Variants in TMEM132C observed in about 807,000 individuals in gnomAD.
The protein encoded by TMEM132C is transmembrane protein 132C.
Under a neutral mutation model 61.4 loss-of-function variants are expected in TMEM132C, and 29 were observed. The observed-to-expected ratio is 0.47, with a 90% CI of 0.35 to 0.64. The LOEUF (loss-of-function observed/expected upper bound fraction) is 0.64, where lower values mean the gene tolerates loss of function less well. TMEM132C is among the 30% of genes least tolerant of loss of function. The pLI is 0.00. For missense variants in TMEM132C, 1,408 were observed against 1,476.9 expected (o/e 0.95, Z 0.76); for synonymous variants, 656 against 633.1 (o/e 1.04, Z -0.54).
Position 128,570,221 on chromosome 12 carries a change from C to T in TMEM132C, c.1121+26118C>T, listed in dbSNP as rs1593103329. Among the ~76,000 whole-genome samples the T allele has an allele frequency of 1.3e-5, 2 of 152,128 alleles. No individual in the cohort carries two copies. The highest frequency in any genetic ancestry group is 2.1e-4 in the South Asian group (1 of 4,816). ...CTACACCTCCCCACCCCCGCACCCC[C>T]CACACACTCACACTGTGGTCACATT... On this transcript the variant is annotated intron_variant, in intron 3 of 8. Transcript: ENST00000435159. This position sits in a 1 kb window ranked among gnomAD's most constrained non-coding sequence, Gnocchi z 4.7.
rs1873851792 is a variant in TMEM132C, at chr12:128,543,941, A to G, written c.975-16A>G. 5 of 1,542,206 alleles carry G rather than the reference A, an allele frequency of 3.2e-6. No homozygotes were observed. The highest frequency in any genetic ancestry group is 2.5e-5 in the East Asian group (1 of 40,054). On this transcript the variant is annotated splice_polypyrimidine_tract_variant and intron_variant, in intron 2 of 8. Coordinates refer to ENST00000435159, the MANE Select transcript of TMEM132C (RefSeq NM_001136103.3). ...TTAACCCTGTCTCTCTCTCTCTCCC[A>G]TCTTCATCCCCACAGAGCCAAGGTG... is the stretch of plus-strand genomic sequence containing the variant.
chr12:128,703,172 G>A (rs1842846155), intron 8 of TMEM132C, among the ~76,000 whole-genome samples: 1 of 152,064 alleles, frequency 6.6e-6, no homozygotes, highest in African/African-American at 2.4e-5. Flanking sequence ...TCACTTCAGG[G>A]GTACCTGTGC....
intron 4 of TMEM132C, among the ~76,000 whole-genome samples, chr12:128,654,684 A>G (rs1341718228): frequency 1.3e-5 from 2 of 152,118 alleles, no homozygotes; most frequent in Non-Finnish European, 2.9e-5. Context: ...CGCCACACGC[A>G]CCCTGCTGTA....
chr12:128,701,936 G>C (rs908594612), intron 8 of TMEM132C, among the ~76,000 whole-genome samples: 3 of 133,306 alleles, frequency 2.3e-5, no homozygotes, highest in African/African-American at 8.9e-5. Flanking sequence ...GTCTTGCTCT[G>C]TCACCCCAGC....
chr12:128,267,407 G>A lies in TMEM132C; in HGVS notation c.5G>A (p.Arg2His). Residue 2 changes from arginine to histidine, a missense_variant, in exon 1 of 9, where the codon CGC becomes CAC. Arg to His is a conservative substitution (Grantham distance 29). Coordinates refer to ENST00000435159, the MANE Select transcript of TMEM132C (RefSeq NM_001136103.3). Reference sequence around the variant, plus strand: ...CGTGAGCGGCCGGGACGCAGGATGCGCTCCGAGGGTGCGGCCCCCGGGCCG... The same window carrying A: ...CGTGAGCGGCCGGGACGCAGGATGCACTCCGAGGGTGCGGCCCCCGGGCCG... M[R>H]SEGAAPGPAA... 8.3e-7 allele frequency: 1 copy of A among 1,202,498 alleles called. No individual in the cohort carries two copies. Among genetic ancestry groups the A allele is most frequent in the Non-Finnish European group, 1.0e-6 (1 of 970,572 alleles). 74.5% of individuals were successfully genotyped at this position (1,202,498 alleles called of 1,614,324 possible).
At position 128,596,371 on chromosome 12, in the gene TMEM132C, T is replaced by C. The variant is rs143533519; in HGVS notation, c.1122-19781T>C. 3.0e-3 allele frequency among the ~76,000 whole-genome samples: 448 copies of C among 148,666 alleles called. 6 individuals are homozygous for C. Among genetic ancestry groups the C allele is most frequent in the African/African-American group, 0.011 (422 of 39,724 alleles). Reference sequence around the variant, plus strand: ...GGGCTGCCCCTTTCGCAGGTCCTGGTACAGAGTGGGCAGGGCTTGACTGAT... The same window carrying C: ...GGGCTGCCCCTTTCGCAGGTCCTGGCACAGAGTGGGCAGGGCTTGACTGAT... On this transcript the variant is annotated intron_variant, in intron 3 of 8. Coordinates refer to ENST00000435159, the MANE Select transcript of TMEM132C (RefSeq NM_001136103.3).
intron 2 of TMEM132C, among the ~76,000 whole-genome samples, chr12:128,459,503 G>A (rs1239642393): frequency 6.6e-6 from 1 of 152,128 alleles, no homozygotes; most frequent in Non-Finnish European, 1.5e-5. Context: ...AGAAGATAGA[G>A]CATGACTCGG....
At chr12:128,311,871 G>A (rs974287775) in intron 1 of TMEM132C, among the ~76,000 whole-genome samples, 6 of 152,342 alleles carry the variant, frequency 3.9e-5, no homozygotes, top group Non-Finnish European at 4.4e-5. Flanking sequence ...TTTCCAGGCC[G>A]CCGTTGACGG....
intron 2 of TMEM132C, among the ~76,000 whole-genome samples, chr12:128,473,152 A>C (rs112483540): frequency 2.4e-4 from 7 of 29,638 alleles, no homozygotes; most frequent in South Asian, 1.0e-3. Flanking sequence ...TCCAGCCACT[A>C]TCTTCATCTT....
intron 3 of TMEM132C, among the ~76,000 whole-genome samples, chr12:128,560,430 G>C (rs570459465): frequency 1.3e-5 from 2 of 152,266 alleles, no homozygotes; most frequent in South Asian, 4.2e-4. Context: ...ACCTGACCCT[G>C]ATGAGCTAAG....
chr12:128,386,941 CA>C (rs997794955), intron 1 of TMEM132C, among the ~76,000 whole-genome samples: 1 of 151,860 alleles, frequency 6.6e-6, no homozygotes, highest in Non-Finnish European at 1.5e-5. Flanking sequence ...CCAACCCGGG[CA>C]ACGTAGTGAG....
chr12:128,331,819 T>C (rs1872671777), intron 1 of TMEM132C, among the ~76,000 whole-genome samples: 2 of 152,240 alleles, frequency 1.3e-5, no homozygotes, highest in South Asian at 4.1e-4. Context: ...ATGGTAGTTC[T>C]ATTTTTAGTT....
At chr12:128,703,855 G>A (rs542379068) in intron 8 of TMEM132C, among the ~76,000 whole-genome samples, 1 of 152,324 alleles carries the variant, frequency 6.6e-6, no homozygotes, top group East Asian at 1.9e-4. Flanking sequence ...CACAGCGAGT[G>A]CCCAGTGGAT....
chr12:128,452,995 T>C (rs867097495), intron 2 of TMEM132C, among the ~76,000 whole-genome samples: 42 of 152,318 alleles, frequency 2.8e-4, no homozygotes, highest in African/African-American at 8.2e-4. Context: ...TGGTAGTATA[T>C]GGATATAGAA....
At chr12:128,409,633 A>G (rs1432122414) in intron 1 of TMEM132C, among the ~76,000 whole-genome samples, 2 of 152,126 alleles carry the variant, frequency 1.3e-5, no homozygotes, top group African/African-American at 2.4e-5. Context: ...AGCAAAACCT[A>G]CCTGCAGGCT....
chr12:128,654,369 G>A (rs1954302776), intron 4 of TMEM132C, among the ~76,000 whole-genome samples: 1 of 152,116 alleles, frequency 6.6e-6, no homozygotes, highest in African/African-American at 2.4e-5. Flanking sequence ...GAAGGATCCT[G>A]CCCTGCAGCC....
intron 1 of TMEM132C, among the ~76,000 whole-genome samples, chr12:128,271,035 C>T (rs1433847217): frequency 6.6e-6 from 1 of 151,986 alleles, no homozygotes; most frequent in East Asian, 1.9e-4. Flanking sequence ...CAGTGGATCA[C>T]TTGAGGGCAG....
At chr12:128,302,512 C>G (rs1261971433) in intron 1 of TMEM132C, among the ~76,000 whole-genome samples, 1 of 152,174 alleles carries the variant, frequency 6.6e-6, no homozygotes, top group Non-Finnish European at 1.5e-5. Flanking sequence ...AGGGCACTAG[C>G]TTTGTCCAGA....
At chr12:128,380,021 C>G (rs1874349923) in intron 1 of TMEM132C, among the ~76,000 whole-genome samples, 1 of 152,246 alleles carries the variant, frequency 6.6e-6, no homozygotes, top group Non-Finnish European at 1.5e-5. Flanking sequence ...GAACTTTCAG[C>G]AAGAGCTTAA....
Sources: allele counts gnomAD v4.1 joint callset (sites outside exome capture counted in the v4.1 genomes callset), GRCh38; gene constraint gnomAD v4.1.1; non-coding constraint Gnocchi (gnomAD v3.1); transcripts MANE v1.5; gene names NCBI Gene and HGNC (gene_info 2026-07-23, HGNC 2026-07-21).